The following EPHB2 variants were observed in gnomAD, a reference collection of about 807,000 sequenced individuals.
EPHB2 encodes ephrin type-B receptor 2.
Under a neutral mutation model 96.4 loss-of-function variants are expected in EPHB2, and 18 were observed. The observed-to-expected ratio is 0.19, with a 90% CI of 0.13 to 0.28. The LOEUF is 0.28. EPHB2 is among the 10% of genes least tolerant of loss of function. The pLI is 1.00. For synonymous variants in EPHB2, 506 were observed against 534.1 expected (o/e 0.95, Z 0.72); for missense variants, 989 against 1,355.4 (o/e 0.73, Z 4.25).
chr1:22,801,519 T>C (rs542736195), intron 3 of EPHB2, among the ~76,000 whole-genome samples: 1 of 148,220 alleles, frequency 6.7e-6, no homozygotes, highest in East Asian at 2.0e-4. Context: ...GGGACCCAGG[T>C]CCAGTGGACT....
At position 22,913,768 on chromosome 1, in the gene EPHB2, G is replaced by T; in HGVS notation, c.*198G>T. On this transcript the variant is annotated 3_prime_UTR_variant, in exon 16 of 16. Transcript: ENST00000374630. The surrounding 1 kb of genome is among the most constrained non-coding windows in gnomAD (Gnocchi z 4.1). ...CAAACGACGGAAAAAAAAAGGGAAT[G>T]GGAAAAAAGAAAACAGATCCTGGGA... 1 of 1,607,372 alleles carries T rather than the reference G, an allele frequency of 6.2e-7. No individual in the cohort carries two copies. Among genetic ancestry groups the T allele is most frequent in the Middle Eastern group, 1.7e-4 (1 of 6,056 alleles).
At chr1:22,785,144 T>C (rs1644593032) in intron 3 of EPHB2, 68 bp downstream of exon 3, 2 of 1,588,950 alleles carry the variant, frequency 1.3e-6, no homozygotes, top group Non-Finnish European at 1.7e-6. Flanking sequence ...AGACTCGGGC[T>C]GCAGACTTGG....
intron 3 of EPHB2, among the ~76,000 whole-genome samples, chr1:22,806,608 C>T (rs187537738): frequency 1.6e-4 from 25 of 152,282 alleles, no homozygotes; most frequent in Admixed American, 1.4e-3. Context: ...GGTCCTACTG[C>T]GTGTGCTTGG....
intron 1 of EPHB2, among the ~76,000 whole-genome samples, chr1:22,763,763 G>A (rs2148397764): frequency 6.6e-6 from 1 of 152,252 alleles, no homozygotes; most frequent in South Asian, 2.1e-4. Flanking sequence ...TTAGACTTCT[G>A]AAATGGGTTT....
At chr1:22,729,570 A>G (rs2148349746) in intron 1 of EPHB2, among the ~76,000 whole-genome samples, 1 of 152,170 alleles carries the variant, frequency 6.6e-6, no homozygotes, top group African/African-American at 2.4e-5. Flanking sequence ...AGTTCCTTGC[A>G]ATTCCTAGAC....
At chr1:22,717,417 G>A (rs10753540) in intron 1 of EPHB2, among the ~76,000 whole-genome samples, 43,189 of 151,968 alleles carry the variant, frequency 0.28, 7,614 homozygotes, top group South Asian at 0.52. Flanking sequence ...TGTCATCTGG[G>A]GGCTTGCCTA....
At chr1:22,884,029 T>C (rs1639140252) in intron 6 of EPHB2, among the ~76,000 whole-genome samples, 5 of 121,134 alleles carry the variant, frequency 4.1e-5, no homozygotes, top group Admixed American at 3.2e-4. Context: ...CATCTCTGCC[T>C]GTTGGAATCT....
chr1:22,789,133 T>G (rs1323601584), intron 3 of EPHB2, among the ~76,000 whole-genome samples: 3 of 152,156 alleles, frequency 2.0e-5, no homozygotes, highest in Admixed American at 2.0e-4. Flanking sequence ...TGATAACACA[T>G]GTTTGGCTGG....
Position 22,722,993 on chromosome 1 carries a change from G to A in EPHB2, c.61+11950G>A, listed in dbSNP as rs565577372. ...GTGTGATGTATTTGGGGAGCTGGAAGGAGTCCTGTGTGACTGAGAATGGGG... is the reference window on the plus strand; with the variant it reads ...GTGTGATGTATTTGGGGAGCTGGAAAGAGTCCTGTGTGACTGAGAATGGGG... On this transcript the variant is annotated intron_variant, in intron 1 of 15. Transcript: ENST00000374630. 2.6e-5 allele frequency among the ~76,000 whole-genome samples: 4 copies of A among 152,362 alleles called. No individual in the cohort carries two copies. In the South Asian group the frequency reaches 8.3e-4, roughly 32 times the overall value.
Position 22,715,196 on chromosome 1 carries a change from G to A in EPHB2, c.61+4153G>A, listed in dbSNP as rs1643261388. 2.6e-5 allele frequency among the ~76,000 whole-genome samples: 4 copies of A among 152,234 alleles called. No homozygotes were observed. The South Asian group carries it at 8.3e-4, about 32-fold the overall frequency. On this transcript the variant is annotated intron_variant, in intron 1 of 15. Coordinates refer to ENST00000374630, the MANE Select transcript of EPHB2 (RefSeq NM_017449.5). ...GTGATAAGTATTGGGAGAATGATAT[G>A]GAGATGGAGGGAAGTCCATCTGGCA...
chr1:22,857,511 G>C (rs1435570350), intron 3 of EPHB2, among the ~76,000 whole-genome samples: 1 of 152,064 alleles, frequency 6.6e-6, no homozygotes, highest in Non-Finnish European at 1.5e-5. Flanking sequence ...GACAGATGGG[G>C]CTGGAGAGCT....
At chr1:22,896,284 G>A (rs1263084904) in intron 8 of EPHB2, 130 bp from the exon 9 acceptor site, 15 of 1,129,070 alleles carry the variant, frequency 1.3e-5, no homozygotes, top group East Asian at 2.5e-5. Context: ...GGCCAAAAGG[G>A]GCAGGCAGGG....
intron 1 of EPHB2, among the ~76,000 whole-genome samples, chr1:22,726,398 A>G (rs959822266): frequency 6.8e-6 from 1 of 147,824 alleles, no homozygotes; most frequent in Non-Finnish European, 1.5e-5. Context: ...ACAACCCTGC[A>G]TAATAGTTTC....
rs897390761 is a variant in EPHB2, at chr1:22,913,403, C to T, written c.2853-59C>T. Reference sequence around the variant, plus strand: ...CCGGGGAAGCCCAGGCAGCTCTCTACCAGGCACAGGACCCCTTCACCCGCA... The same window carrying T: ...CCGGGGAAGCCCAGGCAGCTCTCTATCAGGCACAGGACCCCTTCACCCGCA... On this transcript the variant is annotated intron_variant, in intron 15 of 15. Coordinates refer to ENST00000374630, the MANE Select transcript of EPHB2 (RefSeq NM_017449.5). The surrounding 1 kb of genome is among the most constrained non-coding windows in gnomAD (Gnocchi z 4.1). The T allele has an allele frequency of 2.5e-6, 4 of 1,594,996 alleles. No individual in the cohort carries two copies. The highest frequency in any genetic ancestry group is 1.1e-5 in the South Asian group (1 of 88,232).
chr1:22,877,264 C>T (rs532094034), intron 5 of EPHB2, among the ~76,000 whole-genome samples: 5 of 152,334 alleles, frequency 3.3e-5, no homozygotes, highest in African/African-American at 1.2e-4. Flanking sequence ...CACTTCCGTG[C>T]GTCCATGTCC....
chr1:22,806,489 G>A (rs932796907), intron 3 of EPHB2, among the ~76,000 whole-genome samples: 2 of 84,606 alleles, frequency 2.4e-5, no homozygotes, highest in Non-Finnish European at 4.8e-5. Context: ...ACGGACGGAC[G>A]GACGGACGGA....
rs1002360471 is a variant in EPHB2, at chr1:22,860,697, C to G, written c.812-2340C>G. 7.9e-5 allele frequency among the ~76,000 whole-genome samples: 12 copies of G among 152,182 alleles called. No individual in the cohort carries two copies. The highest frequency in any genetic ancestry group is 1.5e-4 in the Non-Finnish European group (10 of 68,034). ...AGAGAGGGAGCAGGAGGAGCCTGAT[C>G]TTGGGGCCAAAACCCTTTGGCATCT... On this transcript the variant is annotated intron_variant, in intron 3 of 15. Transcript: ENST00000374630. The surrounding 1 kb of genome is among the most constrained non-coding windows in gnomAD (Gnocchi z 4.6).
chr1:22,788,753 GT>G (rs66554696), intron 3 of EPHB2, among the ~76,000 whole-genome samples: 100,047 of 134,370 alleles, frequency 0.74, 37,852 homozygotes, highest in Non-Finnish European at 0.85. Flanking sequence ...TTTTGTTTTT[GT>G]TTTTTTTTTT....
chr1:22,767,936 T>G, intron 1 of EPHB2, among the ~76,000 whole-genome samples: 1 of 152,172 alleles, frequency 6.6e-6, no homozygotes, highest in East Asian at 1.9e-4. Flanking sequence ...AACATCGACA[T>G]GCGAGAAAAT....
Sources: allele counts gnomAD v4.1 joint callset (sites outside exome capture counted in the v4.1 genomes callset), GRCh38; gene constraint gnomAD v4.1.1; non-coding constraint Gnocchi (gnomAD v3.1); transcripts MANE v1.5; gene names NCBI Gene and HGNC (gene_info 2026-07-23, HGNC 2026-07-21).